The following ANKRD13C variants were observed in gnomAD, a reference collection of about 807,000 sequenced individuals.
ANKRD13C encodes the protein ankyrin repeat domain-containing protein 13C.
A neutral mutation model predicts 65.5 loss-of-function variants in ANKRD13C; 16 were observed. That is an observed-to-expected ratio of 0.24 (90% CI 0.17 to 0.37). The LOEUF is 0.37. Among genes scored for constraint, ANKRD13C ranks in the 10% least tolerant of loss-of-function variants. The probability of loss-of-function intolerance (pLI) is 1.00; values close to 1 mark genes in which losing one functional copy is unlikely to be tolerated. For synonymous variants in ANKRD13C, 235 were observed against 238.7 expected (o/e 0.98, Z 0.14); for missense variants, 503 against 655.9 (o/e 0.77, Z 2.55).
At chr1:70,350,680 C>G (rs1237254414) in intron 1 of ANKRD13C, among the ~76,000 whole-genome samples, 1 of 152,134 alleles carries the variant, frequency 6.6e-6, no homozygotes, top group Non-Finnish European at 1.5e-5. Flanking sequence ...ACCAAACGCA[C>G]ATTATGAGAA....
intron 1 of ANKRD13C, among the ~76,000 whole-genome samples, chr1:70,343,145 A>G (rs1420614696): frequency 1.3e-5 from 2 of 152,226 alleles, no homozygotes; most frequent in Admixed American, 6.5e-5. Flanking sequence ...CAACAATTCA[A>G]TCCCTCTTTT....
intron 9 of ANKRD13C, 159 bp downstream of exon 9, chr1:70,292,226 TTCA>T: frequency 2.0e-6 from 1 of 510,510 alleles, no homozygotes; most frequent in Non-Finnish European, 3.2e-6. Context: ...TTTTTTTGTC[TTCA>T]TAATAATGAC....
intron 7 of ANKRD13C, among the ~76,000 whole-genome samples, chr1:70,299,275 T>A (rs1167742408): frequency 1.3e-5 from 2 of 152,058 alleles, no homozygotes; most frequent in Non-Finnish European, 2.9e-5. Context: ...TCTAAAATAG[T>A]AAGGTAAGAA....
chr1:70,287,852 A>T (rs563872362), intron 9 of ANKRD13C, among the ~76,000 whole-genome samples: 97 of 152,198 alleles, frequency 6.4e-4, no homozygotes, highest in Non-Finnish European at 1.3e-3. Context: ...ACAAAAAAAT[A>T]AAAAATAAAA....
intron 11 of ANKRD13C, among the ~76,000 whole-genome samples, chr1:70,272,450 C>T (rs960477375): frequency 5.9e-5 from 9 of 151,984 alleles, no homozygotes; most frequent in African/African-American, 1.9e-4. Flanking sequence ...AAACTCCCAA[C>T]CTCAGGTGAT....
At chr1:70,340,358 C>T (rs1682254181) in intron 1 of ANKRD13C, among the ~76,000 whole-genome samples, 1 of 151,962 alleles carries the variant, frequency 6.6e-6, no homozygotes, top group Non-Finnish European at 1.5e-5. Flanking sequence ...ATATATCTAC[C>T]TTTTTAAAAA....
intron 1 of ANKRD13C, 54 bp from the exon 2 acceptor site, chr1:70,336,153 A>T (rs1682015419): frequency 2.0e-6 from 1 of 492,266 alleles, no homozygotes; most frequent in East Asian, 6.0e-5. Context: ...ACATAAGAAC[A>T]TTTACTTAAA....
intron 12 of ANKRD13C, among the ~76,000 whole-genome samples, chr1:70,266,915 T>C (rs1678652680): frequency 1.3e-5 from 2 of 152,234 alleles, no homozygotes; most frequent in Non-Finnish European, 2.9e-5. Flanking sequence ...TCTGCTGTTG[T>C]TGGGTAGAGT....
intron 6 of ANKRD13C, among the ~76,000 whole-genome samples, chr1:70,302,393 T>A (rs1220822783): frequency 6.6e-6 from 1 of 152,136 alleles, no homozygotes; most frequent in Admixed American, 6.5e-5. Context: ...AGCTTTACTA[T>A]TAAATAACAC....
intron 1 of ANKRD13C, among the ~76,000 whole-genome samples, chr1:70,350,415 G>C (rs1682697796): frequency 6.6e-6 from 1 of 152,160 alleles, no homozygotes; most frequent in South Asian, 2.1e-4. Flanking sequence ...ATGTGATGAG[G>C]AATGGATACA....
At chr1:70,282,160 T>TA (rs1679426325) in intron 9 of ANKRD13C, among the ~76,000 whole-genome samples, 2 of 150,046 alleles carry the variant, frequency 1.3e-5, no homozygotes, top group Non-Finnish European at 3.0e-5. Context: ...GTTCATGCCA[T>TA]TCTCCTGCCT....
At chr1:70,301,677 T>A (rs1187495593) in intron 6 of ANKRD13C, among the ~76,000 whole-genome samples, 1 of 152,244 alleles carries the variant, frequency 6.6e-6, no homozygotes. Flanking sequence ...CACACATTTG[T>A]GTGTTTACTG....
In ANKRD13C at chr1:70,325,087, T is replaced by C. The variant is rs772800391; in HGVS notation, c.473-130A>G. 2.9e-4 allele frequency: 169 copies of C among 575,878 alleles called. 1 individual carries two copies. Among genetic ancestry groups the C allele is most frequent in the Non-Finnish European group, 3.9e-4 (146 of 370,554 alleles). The allele number at this position is 575,878 out of a possible 1,614,324, so 35.7% of individuals were successfully genotyped here. On this transcript the variant is annotated intron_variant, in intron 2 of 12. Coordinates refer to ENST00000370944, the MANE Select transcript of ANKRD13C (RefSeq NM_030816.5). ...ATAAACATTGTACCATGTAGAATTA[T>C]GTAATTTGAAAAATTTCTATGTATC...
intron 9 of ANKRD13C, among the ~76,000 whole-genome samples, chr1:70,291,869 A>C (rs767404145): frequency 6.6e-6 from 1 of 152,010 alleles, no homozygotes. Flanking sequence ...CTGTAATTCT[A>C]GCACTTTGGG....
At chr1:70,287,378 C>T (rs1330197545) in intron 9 of ANKRD13C, among the ~76,000 whole-genome samples, 1 of 146,852 alleles carries the variant, frequency 6.8e-6, no homozygotes, top group Middle Eastern at 3.2e-3. Context: ...AGCAACTGGG[C>T]ATCCAAGGCA....
At chr1:70,267,304 CTATATCAT>C (rs1233695157) in intron 12 of ANKRD13C, among the ~76,000 whole-genome samples, 3 of 152,088 alleles carry the variant, frequency 2.0e-5, no homozygotes, top group African/African-American at 7.2e-5. Context: ...TCTAATCGGC[CTATATCAT>C]TATATTTCAA....
chr1:70,282,881 T>C (rs1002462000), intron 9 of ANKRD13C, among the ~76,000 whole-genome samples: 1 of 152,082 alleles, frequency 6.6e-6, no homozygotes, highest in Non-Finnish European at 1.5e-5. Flanking sequence ...ATATATAACA[T>C]TTTCATGGTA....
intron 9 of ANKRD13C, among the ~76,000 whole-genome samples, chr1:70,287,056 T>C (rs1679654002): frequency 6.6e-6 from 1 of 152,060 alleles, no homozygotes; most frequent in Non-Finnish European, 1.5e-5. Context: ...AAATTACATT[T>C]ATTTCTATGT....
intron 5 of ANKRD13C, among the ~76,000 whole-genome samples, chr1:70,309,489 C>T (rs12029977): frequency 4.7e-5 from 7 of 149,750 alleles, no homozygotes; most frequent in Non-Finnish European, 1.0e-4. Flanking sequence ...GAGGCCGAGG[C>T]GGGTGGATCA....
Sources: allele counts gnomAD v4.1 joint callset (sites outside exome capture counted in the v4.1 genomes callset), GRCh38; gene constraint gnomAD v4.1.1; transcripts MANE v1.5; gene names NCBI Gene and HGNC (gene_info 2026-07-23, HGNC 2026-07-21).